PRKCE: variants seen among roughly 807,000 people sequenced by gnomAD.
PRKCE encodes protein kinase C epsilon.
PRKCE carries 16 observed loss-of-function variants against 85.4 expected under a neutral mutation model. That is an observed-to-expected ratio of 0.19 (90% CI 0.13 to 0.28). The LOEUF (loss-of-function observed/expected upper bound fraction) is 0.28, where lower values mean the gene tolerates loss of function less well. Among genes scored for constraint, PRKCE ranks in the 10% least tolerant of loss-of-function variants. PRKCE has a pLI of 1.00. For synonymous variants in PRKCE, 388 were observed against 371.5 expected (o/e 1.04, Z -0.51); for missense variants, 573 against 975.2 (o/e 0.59, Z 5.49).
At chr2:45,770,491 G>A (rs1430689562) in intron 1 of PRKCE, among the ~76,000 whole-genome samples, 1 of 152,196 alleles carries the variant, frequency 6.6e-6, no homozygotes, top group Admixed American at 6.5e-5. Context: ...GGAGCTCGCA[G>A]AAGGACGGTT....
intron 11 of PRKCE, among the ~76,000 whole-genome samples, chr2:46,135,775 A>ATTTTTTTTTTTTTTTTTTTT (rs1674928141): frequency 1.2e-4 from 2 of 16,086 alleles, no homozygotes; most frequent in African/African-American, 4.7e-4. Flanking sequence ...TTTTTTTTTA[A>ATTTTTTTTTTTTTTTTTTTT]TGTAGGGGAA....
chr2:45,966,982 A>G (rs531637806), intron 2 of PRKCE, among the ~76,000 whole-genome samples: 15 of 152,278 alleles, frequency 9.9e-5, no homozygotes, highest in African/African-American at 3.6e-4. Flanking sequence ...GCTTTGGTGG[A>G]TACAGCCTGT....
intron 2 of PRKCE, among the ~76,000 whole-genome samples, chr2:45,960,804 C>T (rs1312347470): frequency 6.6e-6 from 1 of 152,118 alleles, no homozygotes; most frequent in African/African-American, 2.4e-5. Flanking sequence ...TGAAAAATTC[C>T]CCAAATTTAG....
intron 10 of PRKCE, among the ~76,000 whole-genome samples, chr2:46,044,609 A>C (rs1411485127): frequency 1.3e-5 from 2 of 152,226 alleles, no homozygotes; most frequent in Non-Finnish European, 2.9e-5. Context: ...TTTAGGATTT[A>C]TGTCTTTTAG....
intron 1 of PRKCE, among the ~76,000 whole-genome samples, chr2:45,710,574 G>T (rs2104358472): frequency 6.6e-6 from 1 of 152,340 alleles, no homozygotes; most frequent in South Asian, 2.1e-4. Flanking sequence ...ATAGATTAAT[G>T]ATTCCATTGC....
intron 14 of PRKCE, among the ~76,000 whole-genome samples, chr2:46,180,824 G>A (rs752794411): frequency 2.6e-5 from 4 of 152,196 alleles, no homozygotes; most frequent in African/African-American, 4.8e-5. Flanking sequence ...ACTTCACAGC[G>A]TCAATAACCA....
In PRKCE at chr2:46,007,643, C is replaced by T. The variant is rs1705320526; in HGVS notation, c.1245C>T (p.Gly415=). 6.3e-7 allele frequency: 1 copy of T among 1,599,592 alleles called. No individual in the cohort carries two copies. Among genetic ancestry groups the T allele is most frequent in the Admixed American group, 1.7e-5 (1 of 60,008 alleles). Residue 415 remains glycine (G), a synonymous_variant, in exon 9 of 15, where the codon GGC becomes GGT. Coordinates refer to ENST00000306156, the MANE Select transcript of PRKCE (RefSeq NM_005400.3). ...AGTTCAACTTCATCAAGGTGTTGGG[C>T]AAAGGCAGCTTTGGCAAGGTCTGTG... ...LDEFNFIKVL[G]KGSFGKVMLA... is the part of the protein sequence containing the mutation.
At chr2:45,711,620 A>G (rs1329758204) in intron 1 of PRKCE, among the ~76,000 whole-genome samples, 2 of 152,078 alleles carry the variant, frequency 1.3e-5, no homozygotes, top group African/African-American at 4.8e-5. Flanking sequence ...TTATGTTTCC[A>G]TTATTGTTAT....
intron 9 of PRKCE, among the ~76,000 whole-genome samples, chr2:46,008,331 A>G (rs1705378979): frequency 6.6e-6 from 1 of 152,186 alleles, no homozygotes; most frequent in Non-Finnish European, 1.5e-5. Context: ...ACTAAAGGTG[A>G]TCAGCCACCA....
intron 2 of PRKCE, among the ~76,000 whole-genome samples, chr2:45,944,689 A>G (rs1700122048): frequency 2.1e-5 from 1 of 47,302 alleles, no homozygotes; most frequent in Non-Finnish European, 4.4e-5. Context: ...TTTTGTAGAG[A>G]CAGGATTTTG....
In PRKCE at chr2:45,739,457, C is replaced by A. The variant is rs111737349; in HGVS notation, c.348+87009C>A. ...GTTTCAACTTTCCTTTTTCTGTACC[C>A]TTTTACAGCCTGCAGAGGACTCAGC... On this transcript the variant is annotated intron_variant, in intron 1 of 14. Coordinates refer to ENST00000306156, the MANE Select transcript of PRKCE (RefSeq NM_005400.3). 7.7e-4 allele frequency among the ~76,000 whole-genome samples: 117 copies of A among 152,260 alleles called. 1 individual carries two copies. The highest frequency in any genetic ancestry group is 3.4e-3 in the Middle Eastern group (1 of 294).
chr2:45,681,793 T>TA (rs778226301), intron 1 of PRKCE, among the ~76,000 whole-genome samples: 30 of 152,296 alleles, frequency 2.0e-4, no homozygotes, highest in Non-Finnish European at 3.7e-4. Flanking sequence ...TGCCCTGTAT[T>TA]AAAGCAGCAG....
intron 1 of PRKCE, among the ~76,000 whole-genome samples, chr2:45,720,407 T>TG (rs1680516336): frequency 6.6e-6 from 1 of 152,004 alleles, no homozygotes; most frequent in African/African-American, 2.4e-5. Context: ...AGGGGTAGCT[T>TG]GGGGAGTTTT....
At chr2:45,713,794 G>A (rs1007998832) in intron 1 of PRKCE, among the ~76,000 whole-genome samples, 1 of 152,188 alleles carries the variant, frequency 6.6e-6, no homozygotes, top group Non-Finnish European at 1.5e-5. Flanking sequence ...ATCTGGATTT[G>A]CAGGCATTCC....
chr2:45,744,486 T>TTTC (rs1491120921), intron 1 of PRKCE, among the ~76,000 whole-genome samples: 495 of 37,030 alleles, frequency 0.013, 13 homozygotes, highest in African/African-American at 0.028. Flanking sequence ...TCTTTCTTTC[T>TTTC]TTTTCTTTCT....
At chr2:45,915,863 G>T (rs1435856849) in intron 2 of PRKCE, among the ~76,000 whole-genome samples, 1 of 152,168 alleles carries the variant, frequency 6.6e-6, no homozygotes, top group Non-Finnish European at 1.5e-5. Context: ...TCCCACAAGT[G>T]ATACACACCT....
intron 2 of PRKCE, among the ~76,000 whole-genome samples, chr2:45,866,804 A>G (rs1357323144): frequency 1.3e-5 from 2 of 152,254 alleles, no homozygotes; most frequent in African/African-American, 4.8e-5. Context: ...CATACTGCAC[A>G]GTGCAGATCT....
chr2:45,917,024 A>G (rs1573866963), intron 2 of PRKCE, among the ~76,000 whole-genome samples: 1 of 151,924 alleles, frequency 6.6e-6, no homozygotes, highest in Non-Finnish European at 1.5e-5. Context: ...GAAAGAACAA[A>G]CCTTCCACAG....
In PRKCE at chr2:46,001,733, C is replaced by A. The variant is rs892160375; in HGVS notation, c.966+187C>A. Reference sequence around the variant, plus strand: ...CAGGTAACATTAATGTCTTCTTGAGCTCCAAAAGTGGACTGAAAACACAGC... The same window carrying A: ...CAGGTAACATTAATGTCTTCTTGAGATCCAAAAGTGGACTGAAAACACAGC... On this transcript the variant is annotated intron_variant, in intron 7 of 14. Coordinates refer to ENST00000306156, the MANE Select transcript of PRKCE (RefSeq NM_005400.3). This position sits in a 1 kb window ranked among gnomAD's most constrained non-coding sequence, Gnocchi z 4.4. Among the ~76,000 whole-genome samples, 3 of 152,276 alleles carry A rather than the reference C, an allele frequency of 2.0e-5. No individual in the cohort carries two copies. The highest frequency in any genetic ancestry group is 1.3e-4 in the Admixed American group (2 of 15,302).
Sources: allele counts gnomAD v4.1 joint callset (sites outside exome capture counted in the v4.1 genomes callset), GRCh38; gene constraint gnomAD v4.1.1; non-coding constraint Gnocchi (gnomAD v3.1); transcripts MANE v1.5; gene names NCBI Gene and HGNC (gene_info 2026-07-23, HGNC 2026-07-21).